The following SPTBN4 variants were observed in gnomAD, a reference collection of about 807,000 sequenced individuals.
SPTBN4 encodes the protein spectrin beta chain, non-erythrocytic 4.
Under a neutral mutation model 277.8 loss-of-function variants are expected in SPTBN4, and 96 were observed. The ratio of observed to expected loss-of-function variants is 0.35; its 90% CI spans 0.29 to 0.41. SPTBN4 has a LOEUF of 0.41. Ranked by LOEUF, SPTBN4 falls within the 10% of genes least tolerant of loss-of-function variation. The pLI, the probability that SPTBN4 is intolerant of heterozygous loss-of-function variation, is 1.00. For missense variants in SPTBN4, 3,006 were observed against 3,595.7 expected (o/e 0.84, Z 4.19); for synonymous variants, 1,481 against 1,580.3 (o/e 0.94, Z 1.49).
chr19:40,512,556 C>T, intron 13 of SPTBN4, 50 bp from the exon 14 acceptor site: 6 of 1,463,266 alleles, frequency 4.1e-6, no homozygotes, highest in Non-Finnish European at 5.4e-6. Flanking sequence ...CTCTCTTGGG[C>T]GCCCCTTGGC....
intron 1 of SPTBN4, among the ~76,000 whole-genome samples, chr19:40,470,355 G>C (rs2079870909): frequency 6.6e-6 from 1 of 151,810 alleles, no homozygotes; most frequent in African/African-American, 2.4e-5. Context: ...GCCCAAGCCG[G>C]AGTGCAGTGG....
chr19:40,552,203 C>T (rs888530971), intron 22 of SPTBN4, among the ~76,000 whole-genome samples: 11 of 152,050 alleles, frequency 7.2e-5, no homozygotes, highest in African/African-American at 2.7e-4. Context: ...CGCCTGTAAT[C>T]CCAGCACTTT....
intron 26 of SPTBN4, among the ~76,000 whole-genome samples, chr19:40,559,201 G>A (rs2081017395): frequency 6.6e-6 from 1 of 151,946 alleles, no homozygotes; most frequent in Non-Finnish European, 1.5e-5. Context: ...AAGTGCTGGG[G>A]TTATAGGCAT....
intron 12 of SPTBN4, 70 bp downstream of exon 12, chr19:40,504,202 T>C: frequency 6.7e-7 from 1 of 1,483,758 alleles, no homozygotes; most frequent in Non-Finnish European, 9.1e-7. Flanking sequence ...GCTGAAAGAG[T>C]TGTCAGACAG....
rs763747696 is a variant in SPTBN4 at position 40,532,662 on chromosome 19, G to A, written c.3986G>A (p.Arg1329Gln). The A allele has an allele frequency of 4.3e-6, 7 of 1,613,374 alleles. No homozygotes were observed. Among genetic ancestry groups the A allele is most frequent in the Admixed American group, 1.7e-5 (1 of 59,942 alleles). Residue 1329 changes from arginine (R) to glutamine (Q), a missense_variant, in exon 19 of 36, where the codon CGG (arginine) becomes CAG (glutamine). By Grantham distance (43) the Arg-to-Gln change is conservative. Coordinates refer to ENST00000598249, the MANE Select transcript of SPTBN4 (RefSeq NM_020971.3). ...GWIHEKMLMA[R>Q]DGTREDNHKL... ...ATCCATGAGAAGATGCTGATGGCGC[G>A]GGATGGCACGCGGGAGGACAACCAC... is the stretch of plus-strand genomic sequence containing the variant.
At chr19:40,532,810 A>T in intron 19 of SPTBN4, 39 bp downstream of exon 19, 1 of 1,579,324 alleles carries the variant, frequency 6.3e-7, no homozygotes, top group Non-Finnish European at 8.6e-7. Flanking sequence ...TGCCAGGTGC[A>T]GGAGGCCTCC....
rs1206988333 is a variant in SPTBN4, at chr19:40,554,542, C to A, written c.4980C>A (p.Leu1660=). 1 of 1,493,268 alleles carries A rather than the reference C, an allele frequency of 6.7e-7. No homozygotes were observed. The highest frequency in any genetic ancestry group is 1.4e-5 in the African/African-American group (1 of 71,664). 92.5% of individuals were successfully genotyped at this position (1,493,268 alleles called of 1,614,324 possible). ...ACGAACAGAGCACCCTGCAGCTGCTCAAGAAACACCTGCAGCTGGAGCAAG... is the reference window on the plus strand; with the variant it reads ...ACGAACAGAGCACCCTGCAGCTGCTAAAGAAACACCTGCAGCTGGAGCAAG... ...GKDEQSTLQL[L]KKHLQLEQGV... Residue 1660 remains leucine (L), a synonymous_variant, in exon 24 of 36, where the codon CTC becomes CTA. Coordinates refer to ENST00000598249, the MANE Select transcript of SPTBN4 (RefSeq NM_020971.3). The surrounding 1 kb of genome is among the most constrained non-coding windows in gnomAD (Gnocchi z 5.7).
intron 17 of SPTBN4, among the ~76,000 whole-genome samples, chr19:40,527,639 A>G (rs1045005733): frequency 4.6e-5 from 7 of 152,246 alleles, no homozygotes; most frequent in African/African-American, 1.7e-4. Flanking sequence ...GGCTAGTGCC[A>G]AGGGCCTGAG....
intron 20 of SPTBN4, among the ~76,000 whole-genome samples, chr19:40,538,295 A>G (rs1266220942): frequency 1.3e-5 from 2 of 151,422 alleles, no homozygotes; most frequent in South Asian, 4.2e-4. Context: ...AGGCTGGGGC[A>G]TGAGAATCGC....
chr19:40,502,145 G>A lies in SPTBN4; in HGVS notation c.915G>A (p.Leu305=), dbSNP rs778048365. ...TGTGTCAGGTCTTGGACCAGGTATT[G>A]GAGGTGGGGAAGATCATAGAACGCT... ...KRIGKVLDQV[L]EVGKIIERYE... is the part of the protein sequence containing the mutation. The change falls in exon 9 of 36, where the codon TTG becomes TTA. Residue 305 remains leucine, a synonymous_variant. Coordinates refer to ENST00000598249, the MANE Select transcript of SPTBN4 (RefSeq NM_020971.3). This position sits in a 1 kb window ranked among gnomAD's most constrained non-coding sequence, Gnocchi z 4.9. 13 of 1,613,816 alleles carry A rather than the reference G, an allele frequency of 8.1e-6. No individual in the cohort carries two copies. In the South Asian group the frequency reaches 1.3e-4, roughly 16 times the overall value.
intron 3 of SPTBN4, 102 bp downstream of exon 3, chr19:40,487,950 A>C (rs540783363): frequency 2.6e-4 from 344 of 1,331,136 alleles, no homozygotes; most frequent in African/African-American, 7.0e-4. Flanking sequence ...GGCCTGGCTC[A>C]TGGGCGAGTG....
rs1440127032 is a variant in SPTBN4 at position 40,554,877 on chromosome 19, C to T, written c.5084+231C>T. 3.7e-6 allele frequency: 2 copies of T among 546,206 alleles called. No homozygotes were observed. The highest frequency in any genetic ancestry group is 6.4e-6 in the Non-Finnish European group (2 of 313,096). The allele number at this position is 546,206 out of a possible 1,614,324, so 33.8% of individuals were successfully genotyped here. On this transcript the variant is annotated intron_variant, in intron 24 of 35. Coordinates refer to ENST00000598249, the MANE Select transcript of SPTBN4 (RefSeq NM_020971.3). The surrounding 1 kb of genome is among the most constrained non-coding windows in gnomAD (Gnocchi z 5.7). ...TGGATTTGAGTGTAGTAGTGGGGAC[C>T]TTGTCGGGGGAGAAAAGAGTAGGCG...
chr19:40,467,526 C>T (rs1416599688), intron 1 of SPTBN4, among the ~76,000 whole-genome samples: 1 of 152,062 alleles, frequency 6.6e-6, no homozygotes, highest in Admixed American at 6.6e-5. Context: ...CAGGCCCCCT[C>T]CTTGGGCGCA....
Position 40,512,810 on chromosome 19 carries a change from G to A in SPTBN4, c.2021G>A (p.Gly674Asp). ...ERLLEAAGGGGAAGAAGAAGT... is the reference protein window; with the variant it reads ...ERLLEAAGGGDAAGAAGAAGT... Reference sequence around the variant, plus strand: ...CTCCTGGAGGCTGCGGGCGGCGGCGGTGCGGCGGGCGCAGCGGGCGCAGCG... The same window carrying A: ...CTCCTGGAGGCTGCGGGCGGCGGCGATGCGGCGGGCGCAGCGGGCGCAGCG... The change falls in exon 14 of 36, where the codon GGT (glycine) becomes GAT (aspartate). Residue 674 changes from glycine (G) to aspartate (D), a missense_variant. By Grantham distance (94) the Gly-to-Asp change is moderately conservative (BLOSUM62 -1). Transcript: ENST00000598249. 2 of 1,453,512 alleles carry A rather than the reference G, an allele frequency of 1.4e-6. No homozygotes were observed. The highest frequency in any genetic ancestry group is 2.8e-5 in the Admixed American group (1 of 35,616). The allele number at this position is 1,453,512 out of a possible 1,614,324, so 90.0% of individuals were successfully genotyped here.
At chr19:40,492,672 G>A (rs2080152450) in intron 4 of SPTBN4, among the ~76,000 whole-genome samples, 1 of 152,140 alleles carries the variant, frequency 6.6e-6, no homozygotes, top group Non-Finnish European at 1.5e-5. Flanking sequence ...GAAGGCCACC[G>A]CACTAGCCTA....
chr19:40,511,886 G>A (rs2080394656), intron 13 of SPTBN4, among the ~76,000 whole-genome samples: 1 of 152,084 alleles, frequency 6.6e-6, no homozygotes, highest in South Asian at 2.1e-4. Context: ...CAGTTTAGGA[G>A]GCCAAGGCGG....
In SPTBN4 at chr19:40,549,229, G is replaced by A. The variant is rs2080889564; in HGVS notation, c.4400G>A (p.Gly1467Glu). The A allele has an allele frequency of 1.3e-6, 2 of 1,548,438 alleles. No individual in the cohort carries two copies. Among genetic ancestry groups the A allele is most frequent in the South Asian group, 1.2e-5 (1 of 83,936 alleles). ...GTGGAGGAGTGGTACCGCGAGGTGG[G>A]AGAGCTGCAGGCGCAGACGGCGGCG... Reference protein sequence around the residue: ...SQVEEWYREVGELQAQTAALP... With the variant: ...SQVEEWYREVEELQAQTAALP... Residue 1467 changes from glycine to glutamate, a missense_variant, in exon 21 of 36, where the codon GGA becomes GAA. Gly to Glu is a moderately conservative substitution (Grantham distance 98, BLOSUM62 -2). Around this residue, in one of 5 missense-constraint regions of SPTBN4, gnomAD observed 1,759 missense variants for 2,061.5 expected, o/e 0.85. Coordinates refer to ENST00000598249, the MANE Select transcript of SPTBN4 (RefSeq NM_020971.3).
intron 20 of SPTBN4, among the ~76,000 whole-genome samples, chr19:40,536,997 A>C (rs2080745401): frequency 6.6e-6 from 1 of 150,838 alleles, no homozygotes; most frequent in Non-Finnish European, 1.5e-5. Flanking sequence ...GCCAGTCTTT[A>C]TCTCTATTTA....
Position 40,513,383 on chromosome 19 carries a change from AG to A in SPTBN4, c.2596del (p.Val866Ter). On this transcript the variant is annotated frameshift_variant, in exon 14 of 36. Coordinates refer to ENST00000598249, the MANE Select transcript of SPTBN4 (RefSeq NM_020971.3). LOFTEE classifies it high-confidence loss of function. ...GTGGAAGCAGAGCAGTTGTTCGCTGAGGTGACCGAAGTGGCGGCGCTGAGGC... is the reference window on the plus strand; with the variant it reads ...GTGGAAGCAGAGCAGTTGTTCGCTGAGTGACCGAAGTGGCGGCGCTGAGGC... Reference protein sequence around the residue: ...RVVEAEQLFAEVTEVAALRRQ... With the variant: ...RVVEAEQLFAXVTEVAALRRQ... The A allele has an allele frequency of 6.2e-7, 1 of 1,604,366 alleles. No individual in the cohort carries two copies. Among genetic ancestry groups the A allele is most frequent in the Non-Finnish European group, 8.5e-7 (1 of 1,176,882 alleles).
Sources: allele counts gnomAD v4.1 joint callset (sites outside exome capture counted in the v4.1 genomes callset), GRCh38; gene constraint gnomAD v4.1.1; regional missense constraint gnomAD v4.1.1; non-coding constraint Gnocchi (gnomAD v3.1); transcripts MANE v1.5; gene names NCBI Gene and HGNC (gene_info 2026-07-23, HGNC 2026-07-21).